The following CNTNAP2 variants were observed in gnomAD, a reference collection of about 807,000 sequenced individuals.
CNTNAP2 encodes contactin-associated protein-like 2.
CNTNAP2 carries 98 observed loss-of-function variants against 155.2 expected under a neutral mutation model. The observed-to-expected ratio is 0.63, with a 90% CI of 0.54 to 0.75. CNTNAP2 has a LOEUF of 0.75. Ranked by LOEUF, CNTNAP2 falls within the 30% of genes least tolerant of loss-of-function variation. The pLI, the probability that CNTNAP2 is intolerant of heterozygous loss-of-function variation, is 0.00. For missense variants in CNTNAP2, 1,727 were observed against 1,688.1 expected (o/e 1.02, Z -0.40); for synonymous variants, 651 against 631.2 (o/e 1.03, Z -0.47).
chr7:148,285,004 G>A (rs1797055870), intron 21 of CNTNAP2, among the ~76,000 whole-genome samples: 1 of 152,158 alleles, frequency 6.6e-6, no homozygotes, highest in Admixed American at 6.6e-5. Flanking sequence ...GAAGAATAGA[G>A]CAGTTGTAGA....
Position 147,322,558 on chromosome 7 carries a change from C to G in CNTNAP2, c.1498+22268C>G, listed in dbSNP as rs545851408. Among the ~76,000 whole-genome samples the G allele has an allele frequency of 9.3e-5, 14 of 151,030 alleles. No homozygotes were observed. The East Asian group carries it at 2.8e-3, about 30-fold the overall frequency. ...TCTCTTTTTTGGTTGTGTCTCTGCC[C>G]GGCTTTGGTATCAGAATGATGCTGG... On this transcript the variant is annotated intron_variant, in intron 9 of 23. Transcript: ENST00000361727.
At chr7:147,926,021 G>A (rs907612658) in intron 14 of CNTNAP2, among the ~76,000 whole-genome samples, 1 of 152,184 alleles carries the variant, frequency 6.6e-6, no homozygotes, top group Non-Finnish European at 1.5e-5. Flanking sequence ...TAAATAGTAT[G>A]TAGAAGAATT....
chr7:146,517,628 T>C (rs868855230), intron 1 of CNTNAP2, among the ~76,000 whole-genome samples: 1 of 151,906 alleles, frequency 6.6e-6, no homozygotes, highest in African/African-American at 2.4e-5. Flanking sequence ...TCGGGAGATA[T>C]AGGCAGTTGA....
chr7:147,436,017 T>C (rs1797542171), intron 10 of CNTNAP2, among the ~76,000 whole-genome samples: 1 of 152,180 alleles, frequency 6.6e-6, no homozygotes, highest in African/African-American at 2.4e-5. Flanking sequence ...ATGTGACCAT[T>C]CAAATATCCC....
intron 1 of CNTNAP2, among the ~76,000 whole-genome samples, chr7:146,426,291 C>G (rs572736719): frequency 7.3e-5 from 11 of 150,248 alleles, no homozygotes; most frequent in Non-Finnish European, 1.6e-4. Flanking sequence ...AGCACTAGCA[C>G]CATGGTACCA....
chr7:148,228,620 G>A (rs1417964182), intron 19 of CNTNAP2, among the ~76,000 whole-genome samples: 3 of 151,804 alleles, frequency 2.0e-5, no homozygotes, highest in Non-Finnish European at 4.4e-5. Flanking sequence ...TCCGGAGATC[G>A]AGATCATCCT....
At chr7:146,871,537 ATAAATAAATAAAT>A (rs1370721548) in intron 3 of CNTNAP2, among the ~76,000 whole-genome samples, 2 of 151,978 alleles carry the variant, frequency 1.3e-5, no homozygotes, top group African/African-American at 2.4e-5. Flanking sequence ...CTAAAAAAAA[ATAAATAAATAAAT>A]TAAATAAATA....
At chr7:147,056,969 G>T (rs997570199) in intron 4 of CNTNAP2, among the ~76,000 whole-genome samples, 2 of 150,958 alleles carry the variant, frequency 1.3e-5, no homozygotes, top group Non-Finnish European at 2.9e-5. Context: ...TAGAGATGGG[G>T]TTATTTTTTT....
rs144677063 is a variant in CNTNAP2, at chr7:148,165,398, A to G, written c.2774-6844A>G. The stretch of plus-strand genomic sequence containing the variant: ...TGGAGGTTAGGGATTCAACAGACAA[A>G]TTTTGAGGGGACACAGTTCAGTCCA... On this transcript the variant is annotated intron_variant, in intron 17 of 23. Coordinates refer to ENST00000361727, the MANE Select transcript of CNTNAP2 (RefSeq NM_014141.6). 1.8e-3 allele frequency among the ~76,000 whole-genome samples: 271 copies of G among 152,236 alleles called. 3 individuals carry two copies. Among genetic ancestry groups the G allele is most frequent in the African/African-American group, 6.4e-3 (265 of 41,520 alleles).
chr7:146,706,934 AG>A (rs1243357400), intron 1 of CNTNAP2, among the ~76,000 whole-genome samples: 3 of 150,586 alleles, frequency 2.0e-5, no homozygotes, highest in Non-Finnish European at 4.4e-5. Context: ...AAAAAAAAAA[AG>A]ATTCAAAGGC....
At chr7:146,659,663 A>G (rs1283421659) in intron 1 of CNTNAP2, among the ~76,000 whole-genome samples, 3 of 152,220 alleles carry the variant, frequency 2.0e-5, no homozygotes, top group Non-Finnish European at 4.4e-5. Flanking sequence ...TTAATCACAA[A>G]ACATAAAAGG....
chr7:147,133,346 C>A (rs1195063843), intron 8 of CNTNAP2, among the ~76,000 whole-genome samples: 1 of 151,970 alleles, frequency 6.6e-6, no homozygotes, highest in Non-Finnish European at 1.5e-5. Flanking sequence ...ATGGGAGATA[C>A]AAAGAAAACT....
intron 12 of CNTNAP2, among the ~76,000 whole-genome samples, chr7:147,577,574 G>C (rs1800418368): frequency 6.6e-6 from 1 of 151,694 alleles, no homozygotes. Context: ...CTCCCATGTA[G>C]AGTTTCTTCT....
At chr7:148,379,606 A>C (rs918649250) in intron 21 of CNTNAP2, among the ~76,000 whole-genome samples, 1 of 151,772 alleles carries the variant, frequency 6.6e-6, no homozygotes, top group Non-Finnish European at 1.5e-5. Flanking sequence ...CAGCTACTCA[A>C]AGAGGCTGAG....
chr7:146,531,894 C>A (rs570235257), intron 1 of CNTNAP2, among the ~76,000 whole-genome samples: 1 of 151,524 alleles, frequency 6.6e-6, no homozygotes, highest in Non-Finnish European at 1.5e-5. Context: ...GGGGAAAGTA[C>A]GTATGAAGAA....
intron 1 of CNTNAP2, among the ~76,000 whole-genome samples, chr7:146,742,123 T>G (rs1248915720): frequency 6.6e-6 from 1 of 152,176 alleles, no homozygotes; most frequent in East Asian, 1.9e-4. Flanking sequence ...TGAGCCAGTT[T>G]GTGGCATTTT....
At chr7:148,048,947 C>G (rs1030373440) in intron 15 of CNTNAP2, among the ~76,000 whole-genome samples, 2 of 149,250 alleles carry the variant, frequency 1.3e-5, no homozygotes, top group Non-Finnish European at 2.9e-5. Flanking sequence ...CGTGGTGGCT[C>G]GTGCCTGTAA....
At chr7:147,291,896 A>C (rs1805321304) in intron 8 of CNTNAP2, among the ~76,000 whole-genome samples, 1 of 152,242 alleles carries the variant, frequency 6.6e-6, no homozygotes, top group East Asian at 1.9e-4. Context: ...TGTGCTTATG[A>C]ATAATTAATA....
chr7:147,452,933 G>A (rs1797858156), intron 10 of CNTNAP2, among the ~76,000 whole-genome samples: 2 of 151,414 alleles, frequency 1.3e-5, no homozygotes, highest in African/African-American at 4.9e-5. Flanking sequence ...AAATAGAATG[G>A]GAGGGAGGGA....
Sources: allele counts gnomAD v4.1 joint callset (sites outside exome capture counted in the v4.1 genomes callset), GRCh38; gene constraint gnomAD v4.1.1; transcripts MANE v1.5; gene names NCBI Gene and HGNC (gene_info 2026-07-23, HGNC 2026-07-21).